C13orf46: variants seen among roughly 807,000 people sequenced by gnomAD.
The protein encoded by C13orf46 is chromosome 13 open reading frame 46.
intron 6 of C13orf46, among the ~76,000 whole-genome samples, chr13:113,960,409 A>G (rs2052577988): frequency 6.6e-6 from 1 of 152,200 alleles, no homozygotes; most frequent in African/African-American, 2.4e-5. Context: ...ATTTCTTTTG[A>G]AACTGCTCAG....
chr13:113,966,185 G>GGCA (rs1204976237), intron 5 of C13orf46, among the ~76,000 whole-genome samples: 7 of 15,710 alleles, frequency 4.5e-4, no homozygotes, highest in South Asian at 4.2e-3. Context: ...TGATGATGAT[G>GGCA]GTGATGATGG....
chr13:113,945,427 C>G, the C13orf46 span, among the ~76,000 whole-genome samples: 1 of 151,840 alleles, frequency 6.6e-6, no homozygotes, highest in Non-Finnish European at 1.5e-5. Flanking sequence ...CCCCTGCAGT[C>G]CCAGCTACTC....
chr13:113,963,408 CCCCTGTCCTCAGCCTCGG>C (rs2052606057), intron 6 of C13orf46, among the ~76,000 whole-genome samples: 7 of 89,302 alleles, frequency 7.8e-5, no homozygotes, highest in East Asian at 9.1e-4. Flanking sequence ...CTCAGCCTCG[CCCCTGTCCTCAGCCTCGG>C]CCCTGTCCTC....
the C13orf46 span, among the ~76,000 whole-genome samples, chr13:113,948,611 A>G: frequency 1.3e-5 from 2 of 152,116 alleles, no homozygotes; most frequent in African/African-American, 2.4e-5. Context: ...CTTAGAAAAG[A>G]GCTCCGCCCC....
chr13:113,972,156 A>G (rs543184563), intron 1 of C13orf46, among the ~76,000 whole-genome samples: 1 of 152,208 alleles, frequency 6.6e-6, no homozygotes, highest in South Asian at 2.1e-4. Context: ...CTAAGTCCGC[A>G]CTGTGGTGGC....
downstream of C13orf46, among the ~76,000 whole-genome samples, chr13:113,952,084 A>G (rs2052491312): frequency 6.6e-6 from 1 of 152,234 alleles, no homozygotes; most frequent in Non-Finnish European, 1.5e-5. Context: ...CGTTGAACTG[A>G]GACTCGCCCT....
rs1234893334 is a variant in C13orf46 at position 113,974,060 on chromosome 13, G to T, written c.-63C>A. 6.5e-6 allele frequency: 1 copy of T among 152,716 alleles called. No homozygotes were observed. Among genetic ancestry groups the T allele is most frequent in the African/African-American group, 2.4e-5 (1 of 41,482 alleles). The allele number at this position is 152,716 out of a possible 1,614,324, so 9.5% of individuals were successfully genotyped here. On this transcript the variant is annotated 5_prime_UTR_variant, in exon 1 of 7. Coordinates refer to ENST00000636427, the MANE Select transcript of C13orf46 (RefSeq NM_001365455.2). ...CCCTCACACCCAGCCGTCCCGCAGG[G>T]AGTAGTCAGGAGGTGCTGGGAGTGC...
the C13orf46 span, among the ~76,000 whole-genome samples, chr13:113,937,634 G>A: frequency 2.0e-5 from 3 of 152,264 alleles, no homozygotes; most frequent in South Asian, 2.1e-4. Flanking sequence ...GGTGGTCGGC[G>A]CAGAGTTTGG....
At chr13:113,936,232 G>A in the C13orf46 span, among the ~76,000 whole-genome samples, 6 of 152,314 alleles carry the variant, frequency 3.9e-5, no homozygotes, top group African/African-American at 1.4e-4. Flanking sequence ...GGCCCGGATA[G>A]AGCCCATTCA....
the C13orf46 span, among the ~76,000 whole-genome samples, chr13:113,940,204 C>T: frequency 6.6e-6 from 1 of 152,362 alleles, no homozygotes; most frequent in Non-Finnish European, 1.5e-5. Flanking sequence ...GAAGAGTGTG[C>T]AGCAGGGGCC....
At chr13:113,966,553 A>G (rs2052651112) in intron 5 of C13orf46, among the ~76,000 whole-genome samples, 1 of 149,888 alleles carries the variant, frequency 6.7e-6, no homozygotes, top group South Asian at 2.2e-4. Context: ...GGTGATGGTA[A>G]TAGTGACGAT....
chr13:113,938,326 G>A, the C13orf46 span, among the ~76,000 whole-genome samples: 1 of 152,216 alleles, frequency 6.6e-6, no homozygotes, highest in Non-Finnish European at 1.5e-5. Flanking sequence ...TTACAGTCCT[G>A]GAGGGGAAAG....
chr13:113,945,605 GAAGAAAGAAAGAAAGAAAGAAAGA>G, the C13orf46 span, among the ~76,000 whole-genome samples: 59 of 93,774 alleles, frequency 6.3e-4, no homozygotes, highest in Admixed American at 2.4e-3. Context: ...AAGAAAGAAA[GAAGAAAGAAAGAAAGAAAGAAAGA>G]AAGAAAGAAA....
At position 113,954,905 on chromosome 13, in the gene C13orf46, C is replaced by A. The variant is rs937294079; in HGVS notation, c.*1868G>T. On this transcript the variant is annotated 3_prime_UTR_variant, in exon 7 of 7. Transcript: ENST00000636427. ...TCTGGCAGAGACGAGGAGCATCTGG[C>A]GGAGACGAGGAGGAGCATCTGGCGG... The A allele has an allele frequency of 5.9e-6, 1 of 168,104 alleles. No individual in the cohort carries two copies. Among genetic ancestry groups the A allele is most frequent in the Non-Finnish European group, 1.2e-5 (1 of 82,332 alleles). The allele number at this position is 168,104 out of a possible 1,614,324, so 10.4% of individuals were successfully genotyped here.
the C13orf46 span, among the ~76,000 whole-genome samples, chr13:113,933,820 A>G: frequency 6.6e-6 from 1 of 152,178 alleles, no homozygotes; most frequent in Non-Finnish European, 1.5e-5. Flanking sequence ...GCTTCCTACA[A>G]TGCAGCACTT....
the C13orf46 span, among the ~76,000 whole-genome samples, chr13:113,945,665 A>G: frequency 2.2e-5 from 3 of 135,592 alleles, no homozygotes; most frequent in African/African-American, 5.5e-5. Flanking sequence ...AGAAAGAAAG[A>G]AAGAAAGGAA....
At chr13:113,942,132 T>G in the C13orf46 span, among the ~76,000 whole-genome samples, 104 of 152,358 alleles carry the variant, frequency 6.8e-4, no homozygotes, top group African/African-American at 2.4e-3. Flanking sequence ...GCCGTGCTGA[T>G]TGCAAACCAC....
At chr13:113,966,057 G>A (rs1283713736) in intron 5 of C13orf46, among the ~76,000 whole-genome samples, 1 of 149,258 alleles carries the variant, frequency 6.7e-6, no homozygotes, top group Non-Finnish European at 1.5e-5. Flanking sequence ...TGATGCTGGT[G>A]ATGGGAATGA....
chr13:113,947,660 C>G, the C13orf46 span, among the ~76,000 whole-genome samples: 2 of 152,194 alleles, frequency 1.3e-5, no homozygotes, highest in Non-Finnish European at 2.9e-5. Context: ...GCAGCTTCTG[C>G]GGCCCCGGGT....
Sources: allele counts gnomAD v4.1 joint callset (sites outside exome capture counted in the v4.1 genomes callset), GRCh38; gene constraint gnomAD v4.1.1; transcripts MANE v1.5; gene names NCBI Gene and HGNC (gene_info 2026-07-23, HGNC 2026-07-21).